Variants in PRKG1 observed in about 807,000 individuals in gnomAD.
PRKG1 encodes the protein protein kinase cGMP-dependent 1, also known as cGMP-dependent protein kinase 1.
A neutral mutation model predicts 88.1 loss-of-function variants in PRKG1; 35 were observed. The ratio of observed to expected loss-of-function variants is 0.40; its 90% CI spans 0.30 to 0.53. The LOEUF (loss-of-function observed/expected upper bound fraction) is 0.53. Among genes scored for constraint, PRKG1 ranks in the 20% least tolerant of loss-of-function variants. The probability of loss-of-function intolerance (pLI) is 0.59; values close to 1 mark genes in which losing one functional copy is unlikely to be tolerated. For synonymous variants in PRKG1, 303 were observed against 292.5 expected (o/e 1.04, Z -0.37); for missense variants, 540 against 839.8 (o/e 0.64, Z 4.41).
At chr10:51,078,614 T>C (rs535374057) in intron 1 of PRKG1, among the ~76,000 whole-genome samples, 2 of 142,780 alleles carry the variant, frequency 1.4e-5, no homozygotes, top group African/African-American at 5.1e-5. Flanking sequence ...ATTTATTTAT[T>C]TATTTATTTA....
At chr10:51,115,171 G>T (rs889565366) in intron 1 of PRKG1, among the ~76,000 whole-genome samples, 154 of 150,160 alleles carry the variant, frequency 1.0e-3, no homozygotes, top group African/African-American at 3.7e-3. Context: ...AAAATTAGCT[G>T]GGCATGGTGC....
chr10:52,118,027 A>G (rs1362282105), intron 7 of PRKG1, among the ~76,000 whole-genome samples: 1 of 152,118 alleles, frequency 6.6e-6, no homozygotes, highest in African/African-American at 2.4e-5. Flanking sequence ...ACAACACTAT[A>G]GTAATATGCT....
chr10:51,043,187 C>T (rs535035458), intron 1 of PRKG1, among the ~76,000 whole-genome samples: 11 of 152,088 alleles, frequency 7.2e-5, no homozygotes, highest in African/African-American at 2.4e-4. Context: ...TACTGTCTTA[C>T]GGGGAGGGCA....
chr10:51,367,082 A>G (rs1842606309), intron 2 of PRKG1, among the ~76,000 whole-genome samples: 2 of 151,946 alleles, frequency 1.3e-5, no homozygotes, highest in African/African-American at 2.4e-5. Context: ...CATTTGTTTT[A>G]CTAGGTTTTT....
chr10:51,516,339 C>T (rs753164535), intron 3 of PRKG1, among the ~76,000 whole-genome samples: 1 of 152,042 alleles, frequency 6.6e-6, no homozygotes, highest in African/African-American at 2.4e-5. Flanking sequence ...CTAGCCATTT[C>T]TCCTCTCTAC....
At chr10:51,139,012 C>T (rs561475533) in intron 1 of PRKG1, among the ~76,000 whole-genome samples, 1 of 152,184 alleles carries the variant, frequency 6.6e-6, no homozygotes, top group East Asian at 1.9e-4. Context: ...GAGACCTACT[C>T]TCCGTGTAAA....
chr10:51,277,760 T>C (rs567484703), intron 2 of PRKG1, among the ~76,000 whole-genome samples: 1 of 152,328 alleles, frequency 6.6e-6, no homozygotes, highest in Admixed American at 6.5e-5. Context: ...TCTCTGCCTG[T>C]TATTGGTGTA....
At chr10:51,567,057 TTAAA>T (rs1200140923) in intron 3 of PRKG1, among the ~76,000 whole-genome samples, 4 of 152,234 alleles carry the variant, frequency 2.6e-5, no homozygotes, top group African/African-American at 9.6e-5. Flanking sequence ...GTTGTTCATC[TTAAA>T]TAATTTTATT....
intron 2 of PRKG1, among the ~76,000 whole-genome samples, chr10:51,217,554 G>C: frequency 6.6e-6 from 1 of 152,064 alleles, no homozygotes; most frequent in East Asian, 1.9e-4. Context: ...TGTTTATTTT[G>C]AGAATGAAAC....
At chr10:51,445,550 G>GAACA (rs143817070) in intron 2 of PRKG1, among the ~76,000 whole-genome samples, 5,353 of 151,760 alleles carry the variant, frequency 0.035, 306 homozygotes, top group African/African-American at 0.12. Context: ...CAACAACAAC[G>GAACA]AACAGTGAAG....
intron 4 of PRKG1, 110 bp downstream of exon 4, chr10:51,804,800 A>C: frequency 1.4e-6 from 1 of 699,988 alleles, no homozygotes. Flanking sequence ...TCTCAGTCAT[A>C]ATAGTCTACA....
At chr10:52,266,784 C>CA (rs796522217) in intron 10 of PRKG1, among the ~76,000 whole-genome samples, 12 of 148,738 alleles carry the variant, frequency 8.1e-5, no homozygotes, top group South Asian at 4.2e-4. Flanking sequence ...AGCAAAAAAA[C>CA]AAAAAAAAAG....
At chr10:51,751,683 C>G (rs1837729949) in intron 3 of PRKG1, among the ~76,000 whole-genome samples, 1 of 152,158 alleles carries the variant, frequency 6.6e-6, no homozygotes, top group Non-Finnish European at 1.5e-5. Context: ...AATCTGGCAA[C>G]CCTACCTAGG....
At chr10:51,690,286 C>T (rs1234283090) in intron 3 of PRKG1, among the ~76,000 whole-genome samples, 2 of 152,144 alleles carry the variant, frequency 1.3e-5, no homozygotes, top group Non-Finnish European at 2.9e-5. Context: ...CCTCCTCCAA[C>T]ACCGGGGATT....
At chr10:51,430,983 A>T (rs1838751250) in intron 2 of PRKG1, among the ~76,000 whole-genome samples, 1 of 152,198 alleles carries the variant, frequency 6.6e-6, no homozygotes, top group South Asian at 2.1e-4. Context: ...TTCTGTGGTG[A>T]TGGAGATGTT....
At position 51,074,589 on chromosome 10, in the gene PRKG1, G is replaced by A; in HGVS notation, c.-2G>A. On this transcript the variant is annotated 5_prime_UTR_variant, in exon 1 of 18. Transcript: ENST00000373980. ...AAGGAGCCCCCGGCAGCCCGGAGGA[G>A]CATGGGCACCTTGCGGGATTTACAG... The A allele has an allele frequency of 1.9e-6, 3 of 1,608,768 alleles. No individual in the cohort carries two copies. The highest frequency in any genetic ancestry group is 2.6e-6 in the Non-Finnish European group (3 of 1,176,134).
intron 7 of PRKG1, among the ~76,000 whole-genome samples, chr10:52,110,287 G>T (rs190947069): frequency 4.0e-5 from 6 of 150,766 alleles, no homozygotes; most frequent in Non-Finnish European, 1.5e-5. Flanking sequence ...AGCGGAGATC[G>T]CGCCACTGCA....
intron 8 of PRKG1, among the ~76,000 whole-genome samples, chr10:52,149,439 C>T (rs1288714367): frequency 6.6e-6 from 1 of 151,916 alleles, no homozygotes; most frequent in Non-Finnish European, 1.5e-5. Flanking sequence ...AGTTCTAACC[C>T]CCAATGTGAC....
chr10:51,372,078 A>C (rs945528433), intron 2 of PRKG1, among the ~76,000 whole-genome samples: 1 of 152,162 alleles, frequency 6.6e-6, no homozygotes, highest in African/African-American at 2.4e-5. Context: ...ATAATAAAAA[A>C]CATATGGATA....
Sources: gnomAD v4.1 joint callset for allele counts (sites outside exome capture counted in the v4.1 genomes callset) on GRCh38, gnomAD v4.1.1 for gene constraint, MANE v1.5 for transcripts, NCBI Gene and HGNC (gene_info 2026-07-23, HGNC 2026-07-21) for gene names.